Variants in SUPT3H observed in about 807,000 individuals in gnomAD.
The protein encoded by SUPT3H is transcription initiation protein SPT3 homolog.
In SUPT3H, 44 loss-of-function variants were observed where a neutral mutation model predicts 44.3. That is an observed-to-expected ratio of 0.99 (90% CI 0.78 to 1.28). The LOEUF is 1.28. Ranked by LOEUF, SUPT3H falls within the 50% of genes most tolerant of loss-of-function variation. The probability of loss-of-function intolerance (pLI) is 0.00; values close to 1 mark genes in which losing one functional copy is unlikely to be tolerated. For missense variants in SUPT3H, 380 were observed against 387.1 expected (o/e 0.98, Z 0.15); for synonymous variants, 124 against 125.6 (o/e 0.99, Z 0.09).
At chr6:45,338,286 C>T (rs903778714) in intron 2 of SUPT3H, among the ~76,000 whole-genome samples, 2 of 151,906 alleles carry the variant, frequency 1.3e-5, no homozygotes, top group African/African-American at 4.8e-5. Flanking sequence ...ACTTTCACTG[C>T]AGATTGTTCT....
chr6:45,066,215 G>T (rs893135387), intron 3 of SUPT3H, among the ~76,000 whole-genome samples: 45 of 151,644 alleles, frequency 3.0e-4, no homozygotes, highest in African/African-American at 1.0e-3. Context: ...AAAACCACAT[G>T]ATTATCTCAA....
At chr6:45,203,493 T>G (rs1562681494) in intron 2 of SUPT3H, among the ~76,000 whole-genome samples, 2 of 152,202 alleles carry the variant, frequency 1.3e-5, no homozygotes, top group East Asian at 3.8e-4. Flanking sequence ...CTGCATCCCC[T>G]TGCCCTCAAT....
chr6:44,993,482 T>C (rs1780868506), intron 6 of SUPT3H, among the ~76,000 whole-genome samples: 1 of 151,998 alleles, frequency 6.6e-6, no homozygotes, highest in African/African-American at 2.4e-5. Flanking sequence ...AGACAAGCAC[T>C]TATGACAACA....
chr6:45,036,568 A>T (rs1395371788), intron 3 of SUPT3H, among the ~76,000 whole-genome samples: 1 of 152,200 alleles, frequency 6.6e-6, no homozygotes, highest in Non-Finnish European at 1.5e-5. Flanking sequence ...TTGCCATTTC[A>T]TTCTAACTGT....
intron 2 of SUPT3H, among the ~76,000 whole-genome samples, chr6:45,205,058 G>C (rs530253142): frequency 6.6e-6 from 1 of 152,170 alleles, no homozygotes; most frequent in South Asian, 2.1e-4. Context: ...ATATCTCGTA[G>C]ATTCCAGTTT....
At chr6:45,049,551 G>A (rs1371197281) in intron 3 of SUPT3H, among the ~76,000 whole-genome samples, 3 of 151,928 alleles carry the variant, frequency 2.0e-5, no homozygotes, top group Non-Finnish European at 4.4e-5. Context: ...GACATTTCAC[G>A]ACTTGCCTGC....
Position 45,106,023 on chromosome 6 carries a change from A to G in SUPT3H, c.102-17T>C. On this transcript the variant is annotated splice_polypyrimidine_tract_variant and intron_variant, in intron 2 of 10. Coordinates refer to ENST00000371459, the MANE Select transcript of SUPT3H (RefSeq NM_003599.4). The stretch of plus-strand genomic sequence containing the variant: ...AAAGAATACCTGCAAAATAATTTTA[A>G]ACACACCAATATTAAGGACTATAAA... 1 of 1,593,046 alleles carries G rather than the reference A, an allele frequency of 6.3e-7. No homozygotes were observed. Among genetic ancestry groups the G allele is most frequent in the Non-Finnish European group, 8.6e-7 (1 of 1,161,482 alleles).
At chr6:44,882,600 C>T (rs1778424999) in intron 10 of SUPT3H, among the ~76,000 whole-genome samples, 1 of 152,116 alleles carries the variant, frequency 6.6e-6, no homozygotes, top group Admixed American at 6.5e-5. Context: ...AATTTCAGGC[C>T]AATATCCCTG....
intron 2 of SUPT3H, among the ~76,000 whole-genome samples, chr6:45,126,848 G>A (rs1802509248): frequency 1.3e-5 from 2 of 152,022 alleles, no homozygotes; most frequent in Admixed American, 1.3e-4. Context: ...CTGCAATTTA[G>A]TTCATTTTTT....
intron 9 of SUPT3H, among the ~76,000 whole-genome samples, chr6:44,940,016 T>C (rs1314517597): frequency 6.6e-6 from 1 of 151,900 alleles, no homozygotes; most frequent in African/African-American, 2.4e-5. Flanking sequence ...ATTTCCTTGA[T>C]CTTTTGTATT....
chr6:44,982,474 T>C (rs992942394), intron 6 of SUPT3H, among the ~76,000 whole-genome samples: 94 of 152,294 alleles, frequency 6.2e-4, no homozygotes, highest in African/African-American at 2.1e-3. Context: ...CCTGGCCTCC[T>C]GAAGCGCTGG....
chr6:45,313,631 G>C (rs1223501228), intron 2 of SUPT3H, among the ~76,000 whole-genome samples: 1 of 140,690 alleles, frequency 7.1e-6, no homozygotes, highest in African/African-American at 2.7e-5. Context: ...CAAGCAGCGA[G>C]ATTGAAATGG....
At chr6:44,852,604 T>C (rs377249275) in intron 10 of SUPT3H, among the ~76,000 whole-genome samples, 3 of 152,186 alleles carry the variant, frequency 2.0e-5, no homozygotes, top group African/African-American at 7.2e-5. Flanking sequence ...TCATGAACAT[T>C]AGAAGAAAAT....
intron 10 of SUPT3H, among the ~76,000 whole-genome samples, chr6:44,870,834 G>C (rs1405753680): frequency 6.6e-6 from 1 of 151,688 alleles, no homozygotes; most frequent in Non-Finnish European, 1.5e-5. Context: ...TCCCTCACCT[G>C]GGAAGCGCAA....
chr6:44,903,083 G>A (rs1173833639), intron 10 of SUPT3H, among the ~76,000 whole-genome samples: 1 of 152,142 alleles, frequency 6.6e-6, no homozygotes, highest in Non-Finnish European at 1.5e-5. Context: ...AAGCAGGAAA[G>A]ATCTAAAACT....
chr6:45,342,382 C>T (rs1789970446), intron 2 of SUPT3H, among the ~76,000 whole-genome samples: 1 of 152,120 alleles, frequency 6.6e-6, no homozygotes, highest in African/African-American at 2.4e-5. Flanking sequence ...CTGCCTCAGC[C>T]TCCCGAGTAG....
intron 2 of SUPT3H, among the ~76,000 whole-genome samples, chr6:45,348,721 G>A (rs1791431292): frequency 6.6e-6 from 1 of 151,036 alleles, no homozygotes; most frequent in Non-Finnish European, 1.5e-5. Flanking sequence ...AACTAACAAG[G>A]CATTAAATGA....
chr6:44,928,882 CAAAAAAAAAAAAAA>C (rs35656937), intron 10 of SUPT3H, among the ~76,000 whole-genome samples: 3 of 20,648 alleles, frequency 1.5e-4, no homozygotes, highest in African/African-American at 9.4e-4. Flanking sequence ...GACTCCGTCT[CAAAAAAAAAAAAAA>C]AAAAAAAAGA....
intron 3 of SUPT3H, among the ~76,000 whole-genome samples, chr6:45,024,067 C>A (rs1785573999): frequency 6.6e-6 from 1 of 152,126 alleles, no homozygotes; most frequent in South Asian, 2.1e-4. Context: ...GTGTTAACAG[C>A]AGTTCAGTTA....
Sources: gnomAD v4.1 joint callset for allele counts (sites outside exome capture counted in the v4.1 genomes callset) on GRCh38, gnomAD v4.1.1 for gene constraint, MANE v1.5 for transcripts, NCBI Gene and HGNC (gene_info 2026-07-23, HGNC 2026-07-21) for gene names.